CHID1: variants seen among roughly 807,000 people sequenced by gnomAD.
CHID1 encodes the protein chitinase domain containing 1, also known as chitinase domain-containing protein 1.
In CHID1, 44 loss-of-function variants were observed where a neutral mutation model predicts 55.4. The ratio of observed to expected loss-of-function variants is 0.79; its 90% confidence interval spans 0.62 to 1.02. The LOEUF is 1.02. Ranked by LOEUF, CHID1 falls within the 50% of genes least tolerant of loss-of-function variation. The pLI is 0.00. For missense variants in CHID1, 491 were observed against 515.3 expected (o/e 0.95, Z 0.46); for synonymous variants, 216 against 212.9 (o/e 1.01, Z -0.13).
chr11:872,775 C>G (rs1849260899), intron 10 of CHID1, among the ~76,000 whole-genome samples: 1 of 152,220 alleles, frequency 6.6e-6, no homozygotes, highest in African/African-American at 2.4e-5. Flanking sequence ...ATGGGATGTG[C>G]AGGGTCGTGG....
chr11:871,919 G>A (rs1475246675), intron 10 of CHID1, among the ~76,000 whole-genome samples: 1 of 152,222 alleles, frequency 6.6e-6, no homozygotes, highest in East Asian at 1.9e-4. Context: ...GAGCAGGGCA[G>A]AGTCCCCTTG....
rs576505123 is a variant in CHID1 at position 897,228 on chromosome 11, G to A, written c.608+2112C>T. 4.7e-3 allele frequency among the ~76,000 whole-genome samples: 660 copies of A among 141,610 alleles called. 1 individual carries two copies. Among genetic ancestry groups the A allele is most frequent in the Non-Finnish European group, 6.1e-3 (398 of 65,332 alleles). 92.9% of individuals were successfully genotyped at this position (141,610 alleles called of 152,430 possible). The stretch of plus-strand genomic sequence containing the variant: ...CACCCCCAGCCTCCACCCCAGACAC[G>A]AGCCTGTCTCAGCACCCCCAGCCTC... On this transcript the variant is annotated intron_variant, in intron 7 of 12. Transcript: ENST00000323578.
chr11:895,121 C>T (rs907460546), intron 7 of CHID1, among the ~76,000 whole-genome samples: 2 of 152,164 alleles, frequency 1.3e-5, no homozygotes, highest in African/African-American at 4.8e-5. Flanking sequence ...CCCTGAAACA[C>T]CAGAGCAAAG....
At chr11:887,762 G>A (rs1002902365) in intron 8 of CHID1, among the ~76,000 whole-genome samples, 29 of 152,088 alleles carry the variant, frequency 1.9e-4, no homozygotes, top group South Asian at 2.1e-4. Flanking sequence ...GCCGTGAGCC[G>A]GGCTCGTGTG....
Position 870,419 on chromosome 11 carries a change from T to C in CHID1, c.1040A>G (p.Lys347Arg). The change falls in exon 11 of 13, where the codon AAG becomes AGG. Residue 347 changes from lysine (K) to arginine (R), a missense_variant and splice_region_variant. Transcript: ENST00000323578. ...GGGCCACGCACTTCAAAACACTCAC[T>C]TCTTGTACTCGAAGAAGTGCTCTGA... ...QASEHFFEYK[K>R]SRSGRHVVFY... The C allele has an allele frequency of 6.2e-7, 1 of 1,609,520 alleles. No individual in the cohort carries two copies.
chr11:885,475 G>C (rs1565175848), intron 8 of CHID1, among the ~76,000 whole-genome samples: 1 of 146,724 alleles, frequency 6.8e-6, no homozygotes, highest in Non-Finnish European at 1.5e-5. Flanking sequence ...GGTCCCCTCA[G>C]CCCCGACCTC....
At chr11:914,653 A>G, upstream of CHID1, 1 of 960,840 alleles carries the variant, frequency 1.0e-6, no homozygotes, top group Non-Finnish European at 1.4e-6. Context: ...AGCCCAGGAC[A>G]TCAAGGCTGC....
At chr11:883,010 G>T in intron 10 of CHID1, 138 bp downstream of exon 10, 1 of 980,288 alleles carries the variant, frequency 1.0e-6, no homozygotes, top group Non-Finnish European at 1.5e-6. Context: ...ACCGGCTCCT[G>T]GCCCAGCCCC....
intron 9 of CHID1, 124 bp downstream of exon 9, chr11:883,944 G>A: frequency 1.3e-6 from 1 of 756,206 alleles, no homozygotes; most frequent in Non-Finnish European, 2.3e-6. Flanking sequence ...GACTCAGCAG[G>A]TGACCTTGTG....
intron 4 of CHID1, among the ~76,000 whole-genome samples, chr11:901,908 G>A (rs1377549138): frequency 3.2e-5 from 4 of 126,334 alleles, no homozygotes; most frequent in Admixed American, 2.5e-4. Flanking sequence ...CAAGGGGTGA[G>A]GGCGTGGTTC....
chr11:870,288 T>G, intron 11 of CHID1, 125 bp from the exon 12 acceptor site: 1 of 1,413,972 alleles, frequency 7.1e-7, no homozygotes, highest in Non-Finnish European at 9.9e-7. Flanking sequence ...CCAGCTGTGC[T>G]CCAGGGCCGG....
At chr11:872,672 T>C (rs1849255673) in intron 10 of CHID1, among the ~76,000 whole-genome samples, 2 of 152,246 alleles carry the variant, frequency 1.3e-5, no homozygotes, top group South Asian at 2.1e-4. Context: ...CTAAAATTAC[T>C]GCATTATCCT....
chr11:897,606 G>A (rs1304255468), intron 7 of CHID1, among the ~76,000 whole-genome samples: 1 of 152,222 alleles, frequency 6.6e-6, no homozygotes, highest in Non-Finnish European at 1.5e-5. Context: ...GCCCCTCAGA[G>A]GCTGTGCAGA....
chr11:904,096 G>A (rs1360974412), intron 2 of CHID1, among the ~76,000 whole-genome samples: 1 of 152,330 alleles, frequency 6.6e-6, no homozygotes, highest in East Asian at 1.9e-4. Flanking sequence ...TCTGTGGCCC[G>A]GCTCAGCCTC....
chr11:870,450 G>A lies in CHID1; in HGVS notation c.1009C>T (p.Gln337Ter). 6.2e-7 allele frequency: 1 copy of A among 1,612,212 alleles called. No homozygotes were observed. The highest frequency in any genetic ancestry group is 8.5e-7 in the Non-Finnish European group (1 of 1,179,334). ...TACTCGAAGAAGTGCTCTGAGGCCT[G>A]GCTGTCCCACACCATCCGGGGCCTG... ...DHRPRMVWDS[Q>*]ASEHFFEYKK... Residue 337 changes from glutamine to a stop codon, truncating the protein, a stop_gained, in exon 11 of 13, where the codon CAG (glutamine) becomes TAG (stop). Transcript: ENST00000323578. LOFTEE classifies it high-confidence loss of function.
intron 8 of CHID1, among the ~76,000 whole-genome samples, chr11:891,038 G>C (rs960066542): frequency 4.6e-5 from 7 of 152,166 alleles, no homozygotes; most frequent in Non-Finnish European, 1.0e-4. Flanking sequence ...AAAAGCACCA[G>C]GGACAGGGAT....
At chr11:895,992 G>A (rs1010937546) in intron 7 of CHID1, among the ~76,000 whole-genome samples, 9 of 152,002 alleles carry the variant, frequency 5.9e-5, no homozygotes, top group African/African-American at 1.2e-4. Flanking sequence ...TGGCCACTCC[G>A]GCTCAGCAAT....
chr11:886,450 C>A (rs1414683843), intron 8 of CHID1, among the ~76,000 whole-genome samples: 2 of 152,200 alleles, frequency 1.3e-5, no homozygotes, highest in Middle Eastern at 3.2e-3. Context: ...CAGAGCAAGA[C>A]AATTGATGAA....
At chr11:885,423 C>T (rs1850317145) in intron 8 of CHID1, among the ~76,000 whole-genome samples, 1 of 152,204 alleles carries the variant, frequency 6.6e-6, no homozygotes, top group Non-Finnish European at 1.5e-5. Flanking sequence ...GTCTGTCCAC[C>T]CCAGGCTGTC....
Sources: allele counts gnomAD v4.1 joint callset (sites outside exome capture counted in the v4.1 genomes callset), GRCh38; gene constraint gnomAD v4.1.1; transcripts MANE v1.5; gene names NCBI Gene and HGNC (gene_info 2026-07-23, HGNC 2026-07-21).